Variants in SRSF12 observed in about 807,000 individuals in gnomAD.
The protein encoded by SRSF12 is serine/arginine-rich splicing factor 12.
A neutral mutation model predicts 34.1 loss-of-function variants in SRSF12; 21 were observed. The observed-to-expected ratio is 0.62, with a 90% CI of 0.44 to 0.89. The LOEUF is 0.89. SRSF12 is among the 40% of genes least tolerant of loss of function. The probability of loss-of-function intolerance (pLI) is 0.00; values close to 1 mark genes in which losing one functional copy is unlikely to be tolerated. For synonymous variants in SRSF12, 111 were observed against 110.8 expected, an observed-to-expected ratio of 1.00 and a Z score of -0.01; for missense variants, 278 against 327.8, an observed-to-expected ratio of 0.85 and a Z score of 1.17.
At chr6:89,113,170 A>C (rs761476264) in intron 1 of SRSF12, among the ~76,000 whole-genome samples, 3 of 151,966 alleles carry the variant, frequency 2.0e-5, no homozygotes, top group Non-Finnish European at 4.4e-5. Context: ...TTAACATTTT[A>C]TCCCAATGAT....
chr6:89,104,041 T>A (rs1768668791), intron 4 of SRSF12, among the ~76,000 whole-genome samples: 1 of 132,192 alleles, frequency 7.6e-6, no homozygotes, highest in Non-Finnish European at 1.6e-5. Context: ...CTCACCATGT[T>A]GGCCAGGCTA....
chr6:89,112,454 T>C (rs1215528726), intron 1 of SRSF12, among the ~76,000 whole-genome samples: 1 of 150,256 alleles, frequency 6.7e-6, no homozygotes, highest in Non-Finnish European at 1.5e-5. Flanking sequence ...TTTCTTTTTT[T>C]TTTTTTTTTG....
intron 4 of SRSF12, among the ~76,000 whole-genome samples, chr6:89,099,415 C>T (rs12528153): frequency 0.014 from 2,017 of 140,348 alleles, 30 homozygotes; most frequent in Non-Finnish European, 0.02. Flanking sequence ...TATATATATA[C>T]ATATATATAT....
chr6:89,099,480 ATG>A (rs1332760541), intron 4 of SRSF12, among the ~76,000 whole-genome samples: 24 of 142,424 alleles, frequency 1.7e-4, no homozygotes, highest in African/African-American at 5.1e-4. Context: ...GTATATATAT[ATG>A]TGTGTGTATA....
intron 1 of SRSF12, among the ~76,000 whole-genome samples, chr6:89,113,480 T>C (rs114107291): frequency 0.023 from 3,441 of 152,210 alleles, 77 homozygotes; most frequent in African/African-American, 0.063. Flanking sequence ...CCCAATTTTT[T>C]CTATTATTAG....
At chr6:89,104,132 G>T (rs976705203) in intron 4 of SRSF12, among the ~76,000 whole-genome samples, 3 of 136,970 alleles carry the variant, frequency 2.2e-5, no homozygotes, top group South Asian at 4.7e-4. Context: ...ACATTTTATT[G>T]TATTTCTTAC....
intron 4 of SRSF12, among the ~76,000 whole-genome samples, chr6:89,104,223 CTTTTTTT>C (rs138798211): frequency 4.0e-5 from 5 of 123,538 alleles, no homozygotes; most frequent in East Asian, 2.3e-4. Context: ...AACTCATCAC[CTTTTTTT>C]TTTTTTTTTT....
At chr6:89,112,881 A>G (rs1769124566) in intron 1 of SRSF12, among the ~76,000 whole-genome samples, 1 of 152,144 alleles carries the variant, frequency 6.6e-6, no homozygotes, top group African/African-American at 2.4e-5. Context: ...CTTTTACACC[A>G]TATTTTTAGT....
chr6:89,099,042 A>G, intron 4 of SRSF12, 95 bp from the exon 5 acceptor site: 1 of 1,389,568 alleles, frequency 7.2e-7, no homozygotes, highest in Non-Finnish European at 9.5e-7. Flanking sequence ...ACATAACATT[A>G]GTTATATTTT....
chr6:89,107,362 G>C, intron 1 of SRSF12, 104 bp from the exon 2 acceptor site: 1 of 775,872 alleles, frequency 1.3e-6, no homozygotes, highest in Non-Finnish European at 2.1e-6. Context: ...ACATCATCTA[G>C]ACCAGCATTA....
intron 4 of SRSF12, among the ~76,000 whole-genome samples, chr6:89,099,655 C>A (rs1452273485): frequency 6.6e-6 from 1 of 151,752 alleles, no homozygotes; most frequent in East Asian, 1.9e-4. Flanking sequence ...TCTCTCTCAG[C>A]CTCCAGAGTA....
intron 1 of SRSF12, among the ~76,000 whole-genome samples, chr6:89,110,883 A>T (rs1769015958): frequency 6.6e-6 from 1 of 152,160 alleles, no homozygotes; most frequent in African/African-American, 2.4e-5. Context: ...TGGGAGGCCA[A>T]GGTGGGAGGA....
intron 1 of SRSF12, among the ~76,000 whole-genome samples, chr6:89,114,245 T>A (rs1769187433): frequency 6.6e-6 from 1 of 152,072 alleles, no homozygotes; most frequent in Non-Finnish European, 1.5e-5. Flanking sequence ...CTGGCCAACA[T>A]GATGAAACCC....
rs978450260 is a variant in SRSF12 at position 89,113,176 on chromosome 6, A to G, written c.65+4647T>C. 5.3e-4 allele frequency among the ~76,000 whole-genome samples: 81 copies of G among 151,968 alleles called. 1 individual carries two copies. Among genetic ancestry groups the G allele is most frequent in the African/African-American group, 1.9e-3 (79 of 41,424 alleles). Reference sequence around the variant, plus strand: ...ATGTTTTATTTAACATTTTATCCCAATGATTTATTTTTTTTTGAGACACAA... The same window carrying G: ...ATGTTTTATTTAACATTTTATCCCAGTGATTTATTTTTTTTTGAGACACAA... On this transcript the variant is annotated intron_variant, in intron 1 of 4. Transcript: ENST00000452027.
At position 89,105,416 on chromosome 6, in the gene SRSF12, G is replaced by A. The variant is rs773826218; in HGVS notation, c.274+11C>T. 1.3e-6 allele frequency: 2 copies of A among 1,591,080 alleles called. No individual in the cohort carries two copies. Among genetic ancestry groups the A allele is most frequent in the Non-Finnish European group, 1.7e-6 (2 of 1,171,624 alleles). ...CTGAATAAATAAAATCTAGCATTCA[G>A]TCACACTTACTTTTGCGATCACCTT... is the stretch of plus-strand genomic sequence containing the variant. On this transcript the variant is annotated intron_variant, in intron 3 of 4. Coordinates refer to ENST00000452027, the MANE Select transcript of SRSF12 (RefSeq NM_080743.5).
chr6:89,115,895 A>G (rs923652614), intron 1 of SRSF12, among the ~76,000 whole-genome samples: 3 of 152,092 alleles, frequency 2.0e-5, no homozygotes, highest in African/African-American at 7.2e-5. Flanking sequence ...TCAGCCTCCC[A>G]AAGTGCTGTG....
At chr6:89,102,922 G>A (rs1269430571) in intron 4 of SRSF12, among the ~76,000 whole-genome samples, 3 of 151,864 alleles carry the variant, frequency 2.0e-5, no homozygotes, top group Non-Finnish European at 4.4e-5. Flanking sequence ...GCCACCACAC[G>A]TGGCTAATTT....
In SRSF12 at chr6:89,096,349, T is replaced by C. The variant is rs1394649496; in HGVS notation, c.*2229A>G. The C allele has an allele frequency of 6.6e-6, 1 of 152,222 alleles. No homozygotes were observed. The highest frequency in any genetic ancestry group is 1.5e-5 in the Non-Finnish European group (1 of 68,060). The allele number at this position is 152,222 out of a possible 1,614,324, so 9.4% of individuals were successfully genotyped here. A position where few individuals can be genotyped will look rare whatever the true frequency, so the allele number is the denominator to read the frequency against. Reference sequence around the variant, plus strand: ...TCTGTTTCCTTGTCTGTAGTGGTACTAGGTTGGCGCAAAAGTAATTGCGGG... The same window carrying C: ...TCTGTTTCCTTGTCTGTAGTGGTACCAGGTTGGCGCAAAAGTAATTGCGGG... On this transcript the variant is annotated 3_prime_UTR_variant, in exon 5 of 5. Coordinates refer to ENST00000452027, the MANE Select transcript of SRSF12 (RefSeq NM_080743.5).
chr6:89,107,209 C>T lies in SRSF12; in HGVS notation c.115G>A (p.Val39Ile), dbSNP rs746340174. Residue 39 changes from valine to isoleucine, a missense_variant, in exon 2 of 5, where the codon GTT becomes ATT. Coordinates refer to ENST00000452027, the MANE Select transcript of SRSF12 (RefSeq NM_080743.5). ...GTGTAGAAGTCAAGTGGAATGTAAA[C>T]GTCTACTATAGGGCCATATCGACCA... ...EFGRYGPIVD[V>I]YIPLDFYTRR... 18 of 1,613,856 alleles carry T rather than the reference C, an allele frequency of 1.1e-5. No homozygotes were observed. The highest frequency in any genetic ancestry group is 1.4e-5 in the Non-Finnish European group (17 of 1,180,020).
Sources: allele counts gnomAD v4.1 joint callset (sites outside exome capture counted in the v4.1 genomes callset), GRCh38; gene constraint gnomAD v4.1.1; transcripts MANE v1.5; gene names NCBI Gene and HGNC (gene_info 2026-07-23, HGNC 2026-07-21).